ATP8A1: variants seen among roughly 807,000 people sequenced by gnomAD.
The protein encoded by ATP8A1 is ATPase phospholipid transporting 8A1.
In ATP8A1, 90 loss-of-function variants were observed where a neutral mutation model predicts 177.7. The observed-to-expected ratio is 0.51, with a 90% confidence interval of 0.43 to 0.60. The LOEUF is 0.60. Among genes scored for constraint, ATP8A1 ranks in the 20% least tolerant of loss-of-function variants. The pLI is 0.00. For missense variants in ATP8A1, 1,072 were observed against 1,392.8 expected (o/e 0.77, Z 3.67); for synonymous variants, 493 against 485.9 (o/e 1.01, Z -0.19).
intron 6 of ATP8A1, among the ~76,000 whole-genome samples, chr4:42,598,695 A>G (rs1734955556): frequency 6.6e-6 from 1 of 152,190 alleles, no homozygotes; most frequent in African/African-American, 2.4e-5. Flanking sequence ...TACAAAGGTC[A>G]TACACATACA....
At chr4:42,554,301 C>T (rs568077412) in intron 16 of ATP8A1, among the ~76,000 whole-genome samples, 2 of 152,210 alleles carry the variant, frequency 1.3e-5, no homozygotes, top group Middle Eastern at 3.4e-3. Flanking sequence ...TTCTAGCAAT[C>T]AGTGCCAACA....
chr4:42,553,806 T>C (rs148398078), intron 16 of ATP8A1, among the ~76,000 whole-genome samples: 3 of 152,240 alleles, frequency 2.0e-5, no homozygotes, highest in East Asian at 3.9e-4. Flanking sequence ...AGACAAGCAC[T>C]GTAAAGAAGG....
intron 22 of ATP8A1, among the ~76,000 whole-genome samples, chr4:42,518,992 C>A (rs1394694014): frequency 6.6e-6 from 1 of 152,192 alleles, no homozygotes; most frequent in African/African-American, 2.4e-5. Flanking sequence ...CCCTGGCTCT[C>A]TATATTAAAA....
intron 5 of ATP8A1, among the ~76,000 whole-genome samples, chr4:42,613,246 T>C (rs1389213710): frequency 6.6e-6 from 1 of 152,242 alleles, no homozygotes; most frequent in African/African-American, 2.4e-5. Context: ...AAAACAAAAA[T>C]ATACTATTCT....
intron 24 of ATP8A1, among the ~76,000 whole-genome samples, chr4:42,502,219 G>C (rs546961611): frequency 1.3e-5 from 2 of 152,168 alleles, no homozygotes; most frequent in East Asian, 3.9e-4. Flanking sequence ...TATTCAACTT[G>C]AGACTCCTAC....
rs931962774 is a variant in ATP8A1 at position 42,611,071 on chromosome 4, G to A, written c.409+4962C>T. Among the ~76,000 whole-genome samples the A allele has an allele frequency of 5.9e-5, 9 of 152,262 alleles. 1 individual carries two copies. The South Asian group carries it at 6.2e-4, about 11-fold the overall frequency. On this transcript the variant is annotated intron_variant, in intron 5 of 36. Coordinates refer to ENST00000381668, the MANE Select transcript of ATP8A1 (RefSeq NM_006095.2). Reference sequence around the variant, plus strand: ...TAGGTCATTTCATGCTTAACAACCCGCAACACATTCAATCCACATCAACTC... The same window carrying A: ...TAGGTCATTTCATGCTTAACAACCCACAACACATTCAATCCACATCAACTC...
intron 30 of ATP8A1, among the ~76,000 whole-genome samples, chr4:42,448,908 T>C (rs1036850516): frequency 5.0e-5 from 7 of 139,644 alleles, no homozygotes; most frequent in Admixed American, 1.6e-4. Flanking sequence ...TGATCTTGGC[T>C]CACTGCAACC....
rs765147872 is a variant in ATP8A1 at position 42,413,065 on chromosome 4, G to A, written c.3398-52C>T. On this transcript the variant is annotated intron_variant, in intron 36 of 36. Coordinates refer to ENST00000381668, the MANE Select transcript of ATP8A1 (RefSeq NM_006095.2). ...TCTCACAAAGGCACTGGAAACCACC[G>A]TTATTCTGACTTTTGGGTATTCATT... 58 of 1,471,376 alleles carry A rather than the reference G, an allele frequency of 3.9e-5. 1 individual carries two copies. The highest frequency in any genetic ancestry group is 5.4e-5 in the Non-Finnish European group (57 of 1,058,542). The allele number at this position is 1,471,376 out of a possible 1,614,324, so 91.1% of individuals were successfully genotyped here.
At chr4:42,424,969 A>G (rs1236002484) in intron 33 of ATP8A1, among the ~76,000 whole-genome samples, 1 of 152,234 alleles carries the variant, frequency 6.6e-6, no homozygotes, top group East Asian at 1.9e-4. Flanking sequence ...AAGTCACTTT[A>G]TTTAATAAGC....
At chr4:42,562,743 G>T (rs759169040) in intron 15 of ATP8A1, among the ~76,000 whole-genome samples, 2 of 152,120 alleles carry the variant, frequency 1.3e-5, no homozygotes, top group African/African-American at 4.8e-5. Flanking sequence ...TGCTGTTCTC[G>T]TGACAGTGAA....
intron 22 of ATP8A1, among the ~76,000 whole-genome samples, chr4:42,515,527 C>T (rs1031408902): frequency 2.6e-5 from 4 of 152,176 alleles, no homozygotes; most frequent in African/African-American, 7.2e-5. Flanking sequence ...ATCTATATTA[C>T]GCCACATCAA....
intron 30 of ATP8A1, among the ~76,000 whole-genome samples, chr4:42,448,000 G>A (rs1033312794): frequency 2.0e-5 from 3 of 152,072 alleles, no homozygotes; most frequent in African/African-American, 4.8e-5. Flanking sequence ...AAATTATTGA[G>A]GGTCTCAAAA....
chr4:42,446,690 T>A, intron 30 of ATP8A1, 46 bp from the exon 31 acceptor site: 1 of 1,531,988 alleles, frequency 6.5e-7, no homozygotes, highest in Non-Finnish European at 9.0e-7. Context: ...TGAGATTCTT[T>A]CAGAATCTTT....
At chr4:42,621,278 A>T (rs1737439654) in intron 4 of ATP8A1, among the ~76,000 whole-genome samples, 1 of 152,240 alleles carries the variant, frequency 6.6e-6, no homozygotes, top group African/African-American at 2.4e-5. Flanking sequence ...TTTGAAACTG[A>T]TGATCTAAAT....
rs145683878 is a variant in ATP8A1, at chr4:42,578,889, G to A, written c.1001-502C>T. Reference sequence around the variant, plus strand: ...TCTTCCTCAAAATGAAAATAAAACTGCTATACCAGATACAATTATAAAGTA... The same window carrying A: ...TCTTCCTCAAAATGAAAATAAAACTACTATACCAGATACAATTATAAAGTA... On this transcript the variant is annotated intron_variant, in intron 11 of 36. Coordinates refer to ENST00000381668, the MANE Select transcript of ATP8A1 (RefSeq NM_006095.2). Among the ~76,000 whole-genome samples the A allele has an allele frequency of 3.8e-3, 581 of 151,982 alleles. 8 individuals are homozygous for A. Among genetic ancestry groups the A allele is most frequent in the African/African-American group, 0.013 (538 of 41,484 alleles).
chr4:42,641,351 T>TGAGA (rs1739973175), intron 1 of ATP8A1, among the ~76,000 whole-genome samples: 1 of 152,178 alleles, frequency 6.6e-6, no homozygotes, highest in African/African-American at 2.4e-5. Flanking sequence ...CTGAGGTGTC[T>TGAGA]GAGAATGGAA....
chr4:42,507,287 AT>A (rs1308263898), intron 22 of ATP8A1, 133 bp from the exon 23 acceptor site: 3 of 935,334 alleles, frequency 3.2e-6, no homozygotes, highest in Non-Finnish European at 3.2e-6. Flanking sequence ...AATTCCAACT[AT>A]CCCATTGAGT....
At chr4:42,621,416 T>C (rs1737452914) in intron 4 of ATP8A1, among the ~76,000 whole-genome samples, 1 of 152,234 alleles carries the variant, frequency 6.6e-6, no homozygotes, top group South Asian at 2.1e-4. Flanking sequence ...CACCATTTCC[T>C]GGCTTTACCA....
chr4:42,639,152 A>C (rs1431492528), intron 1 of ATP8A1, among the ~76,000 whole-genome samples: 1 of 152,092 alleles, frequency 6.6e-6, no homozygotes, highest in Admixed American at 6.6e-5. Flanking sequence ...GTGGTCAGGG[A>C]GGGTTGAAGG....
Sources: gnomAD v4.1 joint callset for allele counts (sites outside exome capture counted in the v4.1 genomes callset) on GRCh38, gnomAD v4.1.1 for gene constraint, MANE v1.5 for transcripts, NCBI Gene and HGNC (gene_info 2026-07-23, HGNC 2026-07-21) for gene names.